The following CCDC7 variants were observed in gnomAD, a reference collection of about 807,000 sequenced individuals.
CCDC7 encodes the protein coiled-coil domain containing 7, also known as coiled-coil domain-containing protein 7.
CCDC7 carries 183 observed loss-of-function variants against 196.9 expected under a neutral mutation model. The observed-to-expected ratio is 0.93, with a 90% CI of 0.82 to 1.05. The LOEUF is 1.05. Ranked by LOEUF, CCDC7 falls within the 50% of genes least tolerant of loss-of-function variation. The pLI, the probability that CCDC7 is intolerant of heterozygous loss-of-function variation, is 0.00. For missense variants in CCDC7, 1,540 were observed against 1,482.2 expected, an observed-to-expected ratio of 1.04 and a Z score of -0.64; for synonymous variants, 525 against 484.6, an observed-to-expected ratio of 1.08 and a Z score of -1.10.
chr10:32,539,925 A>C (rs2051128293), intron 11 of CCDC7, among the ~76,000 whole-genome samples: 1 of 151,806 alleles, frequency 6.6e-6, no homozygotes, highest in Non-Finnish European at 1.5e-5. Flanking sequence ...GGATTATTTT[A>C]TTGCCAGTTA....
rs945701366 is a variant in CCDC7, at chr10:32,562,853, C to A, written c.1135-2705C>A. Among the ~76,000 whole-genome samples, 40 of 152,260 alleles carry A rather than the reference C, an allele frequency of 2.6e-4. 1 individual carries two copies. Among genetic ancestry groups the A allele is most frequent in the Admixed American group, 2.6e-3 (40 of 15,282 alleles). ...GTATTCAGTTAGGAAAAGAGGAAGT[C>A]AAATTGTCCCTGTTTGCAGATGACA... On this transcript the variant is annotated intron_variant, in intron 13 of 41. Transcript: ENST00000639629.
chr10:32,653,370 C>A (rs753948848), intron 20 of CCDC7, among the ~76,000 whole-genome samples: 3 of 151,942 alleles, frequency 2.0e-5, no homozygotes, highest in Non-Finnish European at 4.4e-5. Context: ...AATACAGCCC[C>A]CACCCCCTGA....
At chr10:32,643,921 G>A (rs1227840994) in intron 20 of CCDC7, among the ~76,000 whole-genome samples, 3 of 148,482 alleles carry the variant, frequency 2.0e-5, no homozygotes. Context: ...TCATTTAATT[G>A]AATTGTGGTC....
chr10:32,478,251 G>GA (rs1420362628), intron 8 of CCDC7, among the ~76,000 whole-genome samples: 1 of 152,088 alleles, frequency 6.6e-6, no homozygotes, highest in Admixed American at 6.5e-5. Flanking sequence ...ATATTCTATA[G>GA]AGACAGTCAC....
intron 9 of CCDC7, among the ~76,000 whole-genome samples, chr10:32,505,823 C>T (rs934180510): frequency 3.7e-4 from 52 of 142,208 alleles, no homozygotes; most frequent in Non-Finnish European, 7.0e-4. Context: ...CAGAGGCTCT[C>T]CTCACTTCCC....
chr10:32,552,757 T>A (rs2053683050), intron 13 of CCDC7, among the ~76,000 whole-genome samples: 1 of 152,212 alleles, frequency 6.6e-6, no homozygotes, highest in East Asian at 1.9e-4. Flanking sequence ...CCCAATCCCT[T>A]CTAGCTTGTA....
intron 39 of CCDC7, among the ~76,000 whole-genome samples, chr10:32,851,007 G>A (rs1415171578): frequency 6.6e-6 from 1 of 152,078 alleles, no homozygotes; most frequent in African/African-American, 2.4e-5. Flanking sequence ...AATGAACCAG[G>A]ATATTGGAGG....
intron 33 of CCDC7, among the ~76,000 whole-genome samples, chr10:32,840,091 C>T (rs986690946): frequency 8.6e-5 from 13 of 151,700 alleles, no homozygotes; most frequent in African/African-American, 2.4e-4. Context: ...TCACACCTCA[C>T]GGAACTGGAG....
At chr10:32,563,738 G>T (rs11008977) in intron 13 of CCDC7, among the ~76,000 whole-genome samples, 13,414 of 152,152 alleles carry the variant, frequency 0.088, 867 homozygotes, top group East Asian at 0.33. Context: ...ACATAGGCAT[G>T]GGCACGGACT....
chr10:32,670,401 A>C (rs899051035), intron 21 of CCDC7, among the ~76,000 whole-genome samples: 4 of 151,210 alleles, frequency 2.6e-5, no homozygotes, highest in Non-Finnish European at 5.9e-5. Flanking sequence ...TAAATTTATT[A>C]TTATTATACT....
chr10:32,516,274 G>A (rs11008955), intron 9 of CCDC7, among the ~76,000 whole-genome samples: 16,061 of 151,814 alleles, frequency 0.11, 1,049 homozygotes, highest in South Asian at 0.25. Flanking sequence ...ACTTAACATT[G>A]TTAGTTACTA....
chr10:32,634,979 T>A (rs2065400277), intron 19 of CCDC7, 78 bp from the exon 21 acceptor site: 1 of 396,460 alleles, frequency 2.5e-6, no homozygotes, highest in Non-Finnish European at 4.4e-6. Flanking sequence ...TTCCATTAAT[T>A]TTACACAAAT....
intron 23 of CCDC7, among the ~76,000 whole-genome samples, chr10:32,693,879 C>T (rs143041140): frequency 0.015 from 2,321 of 152,272 alleles, 21 homozygotes; most frequent in Middle Eastern, 0.034. Context: ...CTGGCTCCCC[C>T]CTTGTGCTCT....
In CCDC7 at chr10:32,725,428, GT is replaced by G. The variant is rs772940442; in HGVS notation, c.2570-1299del. The G allele has an allele frequency of 1.3e-5, 5 of 380,612 alleles. 1 individual carries two copies. The highest frequency in any genetic ancestry group is 4.4e-4 in the Middle Eastern group (1 of 2,298). The allele number at this position is 380,612 out of a possible 1,614,324, so 23.6% of individuals were successfully genotyped here. Reference sequence around the variant, plus strand: ...TTATTAGTTACATGGATTAGTACTTGTTTTTTTGTTCCATATATTAGGTTAG... The same window carrying G: ...TTATTAGTTACATGGATTAGTACTTGTTTTTTGTTCCATATATTAGGTTAG... On this transcript the variant is annotated intron_variant, in intron 25 of 41. Coordinates refer to ENST00000639629, the Ensembl canonical transcript of CCDC7.
chr10:32,816,939 C>T (rs538099963), intron 31 of CCDC7, among the ~76,000 whole-genome samples: 1 of 152,292 alleles, frequency 6.6e-6, no homozygotes, highest in South Asian at 2.1e-4. Context: ...CTCTCCTCCT[C>T]CAAAGGAAAG....
chr10:32,447,061 C>T (rs559677528), upstream of CCDC7, among the ~76,000 whole-genome samples: 2 of 151,688 alleles, frequency 1.3e-5, no homozygotes, highest in East Asian at 3.9e-4. Context: ...TTCCTCTTGA[C>T]CATGTTTTCT....
intron 18 of CCDC7, among the ~76,000 whole-genome samples, chr10:32,619,789 A>G (rs1269153980): frequency 6.6e-6 from 1 of 151,702 alleles, no homozygotes; most frequent in African/African-American, 2.4e-5. Context: ...TGTTGAGACA[A>G]GGTCTTGCTA....
intron 22 of CCDC7, among the ~76,000 whole-genome samples, chr10:32,687,381 T>C (rs1339288128): frequency 6.6e-6 from 1 of 152,184 alleles, no homozygotes; most frequent in Non-Finnish European, 1.5e-5. Context: ...ACCACAGTAG[T>C]TCCCCTTAGG....
At chr10:32,584,381 GA>G (rs1802023407) in intron 18 of CCDC7, 77 bp downstream of exon 19, 2 of 978,310 alleles carry the variant, frequency 2.0e-6, no homozygotes, top group African/African-American at 3.3e-5. Context: ...ATAAATAAAT[GA>G]GGGGAAAACA....
Sources: gnomAD v4.1 joint callset for allele counts (sites outside exome capture counted in the v4.1 genomes callset) on GRCh38, gnomAD v4.1.1 for gene constraint, MANE v1.5 for transcripts, NCBI Gene and HGNC (gene_info 2026-07-23, HGNC 2026-07-21) for gene names.